Variants in ASXL1 observed in about 807,000 individuals in gnomAD.
The protein encoded by ASXL1 is ASXL transcriptional regulator 1, also known as polycomb group protein ASXL1.
Under a neutral mutation model 89.1 loss-of-function variants are expected in ASXL1, and 65 were observed. That is an observed-to-expected ratio of 0.73 (90% CI 0.60 to 0.90). The LOEUF is 0.90. Among genes scored for constraint, ASXL1 ranks in the 40% least tolerant of loss-of-function variants. The pLI is 0.00. For synonymous variants in ASXL1, 739 were observed against 746.9 expected (o/e 0.99, Z 0.17); for missense variants, 1,786 against 1,942.9 (o/e 0.92, Z 1.52).
At chr20:32,411,725 A>T (rs1374287058) in intron 4 of ASXL1, among the ~76,000 whole-genome samples, 6 of 150,516 alleles carry the variant, frequency 4.0e-5, no homozygotes, top group Non-Finnish European at 7.4e-5. Flanking sequence ...TTTAGTAGAG[A>T]TGGGGTTTCA....
intron 4 of ASXL1, among the ~76,000 whole-genome samples, chr20:32,377,951 C>A (rs1428145044): frequency 8.2e-6 from 1 of 122,114 alleles, no homozygotes; most frequent in East Asian, 3.3e-4. Flanking sequence ...CCGCACCTGG[C>A]CCCAAAATAA....
Position 32,436,310 on chromosome 20 carries a change from C to T in ASXL1, c.3598C>T (p.Pro1200Ser). The part of the protein sequence containing the change: ...RIEATQAPGA[P>S]QKNCKAVPSF... ...TGAGGCCACCCAGGCTCCTGGAGCACCCCAAAAGAATTGCAAGGCAGTCCC... is the reference window on the plus strand; with the variant it reads ...TGAGGCCACCCAGGCTCCTGGAGCATCCCAAAAGAATTGCAAGGCAGTCCC... The change falls in exon 13 of 13, where the codon CCC becomes TCC. Residue 1200 changes from proline (P) to serine (S), a missense_variant. By Grantham distance (74) the Pro-to-Ser change is moderately conservative (BLOSUM62 -1). Around this residue, in one of 3 missense-constraint regions of ASXL1, gnomAD observed 1,418 missense variants for 1,427.8 expected, o/e 0.99. Coordinates refer to ENST00000375687, the MANE Select transcript of ASXL1 (RefSeq NM_015338.6). 13 of 1,614,086 alleles carry T rather than the reference C, an allele frequency of 8.1e-6. No individual in the cohort carries two copies. The highest frequency in any genetic ancestry group is 1.1e-5 in the Non-Finnish European group (13 of 1,180,036).
At chr20:32,365,614 A>G (rs2048191302) in intron 1 of ASXL1, among the ~76,000 whole-genome samples, 1 of 152,202 alleles carries the variant, frequency 6.6e-6, no homozygotes, top group African/African-American at 2.4e-5. Context: ...TTCTTCCTTT[A>G]GAAGAATAAC....
chr20:32,390,418 G>A (rs1600510131), intron 4 of ASXL1, among the ~76,000 whole-genome samples: 1 of 151,988 alleles, frequency 6.6e-6, no homozygotes, highest in Admixed American at 6.5e-5. Flanking sequence ...GTATAGTCTT[G>A]TAAGTTTTGA....
chr20:32,404,010 T>C (rs1208907909), intron 4 of ASXL1, among the ~76,000 whole-genome samples: 1 of 152,182 alleles, frequency 6.6e-6, no homozygotes, highest in Non-Finnish European at 1.5e-5. Context: ...TTATCATTTC[T>C]TTATGTTGGG....
intron 10 of ASXL1, chr20:32,432,455 G>A (rs1320099348): frequency 8.5e-6 from 2 of 236,678 alleles, no homozygotes; most frequent in Admixed American, 5.2e-5. Flanking sequence ...CAGGTGTTCA[G>A]CATAAGCCGT....
intron 4 of ASXL1, among the ~76,000 whole-genome samples, chr20:32,405,022 A>G (rs1600533346): frequency 3.3e-5 from 5 of 152,322 alleles, no homozygotes; most frequent in Admixed American, 3.3e-4. Flanking sequence ...ATTTAAAAAA[A>G]GTTTTTATTT....
chr20:32,386,311 T>C (rs1208118533), intron 4 of ASXL1, among the ~76,000 whole-genome samples: 2 of 152,132 alleles, frequency 1.3e-5, no homozygotes, highest in African/African-American at 2.4e-5. Flanking sequence ...CAAGGAGATG[T>C]GTAGTATGGA....
intron 4 of ASXL1, among the ~76,000 whole-genome samples, chr20:32,397,239 A>C (rs1243359075): frequency 2.7e-5 from 1 of 37,618 alleles, no homozygotes; most frequent in East Asian, 8.4e-4. Flanking sequence ...GGGGTGAGCG[A>C]CCATGCCTGG....
chr20:32,372,351 A>G, intron 4 of ASXL1: 5 of 1,158,726 alleles, frequency 4.3e-6, no homozygotes, highest in Non-Finnish European at 5.4e-6. Flanking sequence ...CTTATCCTTC[A>G]TAGTATCTTG....
intron 4 of ASXL1, among the ~76,000 whole-genome samples, chr20:32,413,973 G>A (rs2049093908): frequency 6.6e-6 from 1 of 152,192 alleles, no homozygotes; most frequent in African/African-American, 2.4e-5. Context: ...ACACTAGATT[G>A]TTGGTTGGGC....
Position 32,437,219 on chromosome 20 carries a change from T to A in ASXL1, c.4507T>A (p.Ser1503Thr), listed in dbSNP as rs2011975579. ...FTDSSTVESI[S>T]LQCACSLKAM... Reference sequence around the variant, plus strand: ...TGACAGCAGCACGGTGGAAAGCATCTCGCTCCAGTGTGCGTGCAGCCTGAA... The same window carrying A: ...TGACAGCAGCACGGTGGAAAGCATCACGCTCCAGTGTGCGTGCAGCCTGAA... Residue 1503 changes from serine to threonine, a missense_variant, in exon 13 of 13, where the codon TCG (serine) becomes ACG (threonine). Transcript: ENST00000375687. The A allele has an allele frequency of 6.2e-7, 1 of 1,613,504 alleles. No individual in the cohort carries two copies. Among genetic ancestry groups the A allele is most frequent in the Non-Finnish European group, 8.5e-7 (1 of 1,179,530 alleles).
At position 32,436,182 on chromosome 20, in the gene ASXL1, A is replaced by G. The variant is rs752970560; in HGVS notation, c.3470A>G (p.Lys1157Arg). The change falls in exon 13 of 13, where the codon AAA (lysine) becomes AGA (arginine). Residue 1157 changes from lysine to arginine, a missense_variant. Transcript: ENST00000375687. ...ATGGGATCTTTACATGGTCTTGGAA[A>G]AAACAGTGGCATGGTTGATGGAAGC... ...LRMGSLHGLG[K>R]NSGMVDGSSP... The G allele has an allele frequency of 1.2e-6, 2 of 1,614,126 alleles. No individual in the cohort carries two copies. Among genetic ancestry groups the G allele is most frequent in the Admixed American group, 1.7e-5 (1 of 60,014 alleles).
At chr20:32,375,701 G>A (rs1391698819) in intron 4 of ASXL1, among the ~76,000 whole-genome samples, 5 of 137,148 alleles carry the variant, frequency 3.6e-5, no homozygotes, top group Non-Finnish European at 7.9e-5. Context: ...TTTGTTTTTT[G>A]AGACAGGGCC....
intron 1 of ASXL1, 101 bp from the exon 2 acceptor site, chr20:32,366,283 C>T: frequency 1.9e-6 from 2 of 1,025,914 alleles, no homozygotes; most frequent in Non-Finnish European, 3.0e-6. Context: ...ACTAAGTTGT[C>T]ACCAGCGGTA....
intron 1 of ASXL1, chr20:32,359,397 T>C: frequency 4.3e-6 from 3 of 702,424 alleles, no homozygotes; most frequent in South Asian, 3.0e-5. Context: ...TCTCTAACTT[T>C]AGTGTCCTGT....
intron 2 of ASXL1, among the ~76,000 whole-genome samples, chr20:32,367,391 C>CA (rs2048223501): frequency 6.6e-6 from 1 of 152,040 alleles, no homozygotes; most frequent in Non-Finnish European, 1.5e-5. Flanking sequence ...AAAAACAAAA[C>CA]AAAACAAAAA....
chr20:32,392,377 G>T (rs1414141387), intron 4 of ASXL1, among the ~76,000 whole-genome samples: 1 of 151,332 alleles, frequency 6.6e-6, no homozygotes, highest in Non-Finnish European at 1.5e-5. Context: ...CTGCCTCCTG[G>T]GTTCAAGCAA....
chr20:32,427,997 G>A, intron 4 of ASXL1, 131 bp from the exon 5 acceptor site: 1 of 1,347,190 alleles, frequency 7.4e-7, no homozygotes, highest in South Asian at 1.2e-5. Flanking sequence ...AAAAAGGTCA[G>A]TTAGAAAGGG....
Sources: gnomAD v4.1 joint callset for allele counts (sites outside exome capture counted in the v4.1 genomes callset) on GRCh38, gnomAD v4.1.1 for gene constraint, gnomAD v4.1.1 regional missense constraint, MANE v1.5 for transcripts, NCBI Gene and HGNC (gene_info 2026-07-23, HGNC 2026-07-21) for gene names.